The following PRAP1 variants were observed in gnomAD, a reference collection of about 807,000 sequenced individuals.
The protein encoded by PRAP1 is proline rich acidic protein 1, also known as proline-rich acidic protein 1.
A neutral mutation model predicts 14.6 loss-of-function variants in PRAP1; 12 were observed. That is an observed-to-expected ratio of 0.82 (90% CI 0.53 to 1.33). PRAP1 has a LOEUF of 1.33. PRAP1 is among the 40% of genes most tolerant of loss of function. The pLI, the probability that PRAP1 is intolerant of heterozygous loss-of-function variation, is 0.00. For missense variants in PRAP1, 160 were observed against 193.7 expected (o/e 0.83, Z 1.03); for synonymous variants, 81 against 80.3 (o/e 1.01, Z -0.04).
rs1459925073 is a variant in PRAP1 at position 133,351,102 on chromosome 10, T to G, written c.76-279T>G. 1.3e-5 allele frequency among the ~76,000 whole-genome samples: 2 copies of G among 152,194 alleles called. No individual in the cohort carries two copies. The highest frequency in any genetic ancestry group is 3.4e-3 in the Middle Eastern group (1 of 294). ...GCTAGGTCAGGGATACGGTGCCAGG[T>G]TACATCCCAGTCCTGTGCTGCCCCA... On this transcript the variant is annotated intron_variant, in intron 2 of 4. Transcript: ENST00000433452. The surrounding 1 kb of genome is among the most constrained non-coding windows in gnomAD (Gnocchi z 4.3).
At position 133,352,339 on chromosome 10, in the gene PRAP1, G is replaced by A. The variant is rs765352169; in HGVS notation, c.355G>A (p.Glu119Lys). Residue 119 changes from glutamate (E) to lysine (K), a missense_variant, in exon 5 of 5, where the codon GAG becomes AAG. Coordinates refer to ENST00000433452, the MANE Select transcript of PRAP1 (RefSeq NM_145202.5). Reference protein sequence around the residue: ...HDSLYHPPPEEDQGEERPRLW... With the variant: ...HDSLYHPPPEKDQGEERPRLW... ...CAGCCTGTACCACCCTCCGCCTGAG[G>A]AGGACCAGGGCGAGGAGAGGCCCCG... The A allele has an allele frequency of 1.9e-6, 3 of 1,613,056 alleles. No individual in the cohort carries two copies. The highest frequency in any genetic ancestry group is 2.5e-6 in the Non-Finnish European group (3 of 1,179,996).
intron 1 of PRAP1, among the ~76,000 whole-genome samples, chr10:133,349,469 C>T (rs1848642719): frequency 6.6e-6 from 1 of 152,150 alleles, no homozygotes; most frequent in Non-Finnish European, 1.5e-5. Flanking sequence ...GCACATGGTC[C>T]ACACCCACAA....
At chr10:133,350,454 G>A (rs2133403905) in intron 2 of PRAP1, 1 of 358,216 alleles carries the variant, frequency 2.8e-6, no homozygotes, top group South Asian at 7.0e-5. Context: ...GGGTCCAGAT[G>A]AGCCCCCGTG....
chr10:133,351,293 C>A lies in PRAP1; in HGVS notation c.76-88C>A. ...CTGCAGCCACCTCCACCCCATGCAGCCCCAGGTGGGCCTCGGAGCAACCTC... is the reference window on the plus strand; with the variant it reads ...CTGCAGCCACCTCCACCCCATGCAGACCCAGGTGGGCCTCGGAGCAACCTC... On this transcript the variant is annotated intron_variant, in intron 2 of 4. Transcript: ENST00000433452. This position sits in a 1 kb window ranked among gnomAD's most constrained non-coding sequence, Gnocchi z 4.3. 1 of 1,002,212 alleles carries A rather than the reference C, an allele frequency of 1.0e-6. No individual in the cohort carries two copies. The highest frequency in any genetic ancestry group is 1.5e-6 in the Non-Finnish European group (1 of 660,962). 62.1% of individuals were successfully genotyped at this position (1,002,212 alleles called of 1,614,324 possible). A position where few individuals can be genotyped will look rare whatever the true frequency, so the allele number is the denominator to read the frequency against.
At position 133,352,106 on chromosome 10, in the gene PRAP1, G is replaced by C. The variant is rs780576690; in HGVS notation, c.228G>C (p.Lys76Asn). The C allele has an allele frequency of 6.2e-7, 1 of 1,613,070 alleles. No individual in the cohort carries two copies. Among genetic ancestry groups the C allele is most frequent in the Admixed American group, 1.7e-5 (1 of 59,998 alleles). The change falls in exon 4 of 5, where the codon AAG becomes AAC. Residue 76 changes from lysine (K) to asparagine (N), a missense_variant. Coordinates refer to ENST00000433452, the MANE Select transcript of PRAP1 (RefSeq NM_145202.5). Reference protein sequence around the residue: ...QKPKLLTTEEKPRGQGRGPIL... With the variant: ...QKPKLLTTEENPRGQGRGPIL... ...CGAAACTCTTGACCACCGAGGAGAAGCCACGAGGTCAGGGCAGGGGCCCCA... is the reference window on the plus strand; with the variant it reads ...CGAAACTCTTGACCACCGAGGAGAACCCACGAGGTCAGGGCAGGGGCCCCA...
At chr10:133,350,502 G>A (rs1010232024) in intron 2 of PRAP1, 30 of 266,074 alleles carry the variant, frequency 1.1e-4, no homozygotes, top group Non-Finnish European at 1.7e-4. Flanking sequence ...TGACACCCAC[G>A]TGGTCCCAAG....
chr10:133,352,420 C>T lies in PRAP1; in HGVS notation c.436C>T (p.His146Tyr), dbSNP rs369897067. The T allele has an allele frequency of 6.2e-7, 1 of 1,612,538 alleles. No individual in the cohort carries two copies. Among genetic ancestry groups the T allele is most frequent in the African/African-American group, 1.3e-5 (1 of 74,906 alleles). Reference sequence around the variant, plus strand: ...CCTGGGACCGGAGGAAGACCAAGACCACATCTACCACCCCCAGTAGGGCTC... The same window carrying T: ...CCTGGGACCGGAGGAAGACCAAGACTACATCTACCACCCCCAGTAGGGCTC... ...VLLGPEEDQD[H>Y]IYHPQ Residue 146 changes from histidine to tyrosine, a missense_variant, in exon 5 of 5, where the codon CAC becomes TAC. Coordinates refer to ENST00000433452, the MANE Select transcript of PRAP1 (RefSeq NM_145202.5).
rs1467498441 is a variant in PRAP1 at position 133,352,531 on chromosome 10, A to G, written c.*91A>G. ...CCTACCCTGCCCCAGCTAGACAAATAAACCCCAGCAGGCCGGGCGCGGTGG... is the reference window on the plus strand; with the variant it reads ...CCTACCCTGCCCCAGCTAGACAAATGAACCCCAGCAGGCCGGGCGCGGTGG... On this transcript the variant is annotated 3_prime_UTR_variant, in exon 5 of 5. Coordinates refer to ENST00000433452, the MANE Select transcript of PRAP1 (RefSeq NM_145202.5). 2 of 1,189,852 alleles carry G rather than the reference A, an allele frequency of 1.7e-6. No individual in the cohort carries two copies. Among genetic ancestry groups the G allele is most frequent in the South Asian group, 1.4e-5 (1 of 69,350 alleles). 73.7% of individuals were successfully genotyped at this position (1,189,852 alleles called of 1,614,324 possible).
chr10:133,352,166 G>C, intron 4 of PRAP1, 26 bp downstream of exon 4: 1 of 1,612,576 alleles, frequency 6.2e-7, no homozygotes, highest in East Asian at 2.2e-5. Context: ...CAGCAGCAGA[G>C]TCCGCTCGTG....
chr10:133,351,517 G>A lies in PRAP1; in HGVS notation c.128+84G>A. 9.1e-7 allele frequency: 1 copy of A among 1,104,736 alleles called. No individual in the cohort carries two copies. Among genetic ancestry groups the A allele is most frequent in the South Asian group, 1.4e-5 (1 of 70,228 alleles). 68.4% of individuals were successfully genotyped at this position (1,104,736 alleles called of 1,614,324 possible). On this transcript the variant is annotated intron_variant, in intron 3 of 4. Coordinates refer to ENST00000433452, the MANE Select transcript of PRAP1 (RefSeq NM_145202.5). The surrounding 1 kb of genome is among the most constrained non-coding windows in gnomAD (Gnocchi z 4.3). ...GCTGGGCCCTTCCTGAACCTGGAGA[G>A]CACGGGGCAGATGCAGAGAGGAGCC...
chr10:133,352,157 A>G lies in PRAP1; in HGVS notation c.262+17A>G, dbSNP rs776608866. 6.2e-7 allele frequency: 1 copy of G among 1,612,790 alleles called. No individual in the cohort carries two copies. The highest frequency in any genetic ancestry group is 1.1e-5 in the South Asian group (1 of 91,052). On this transcript the variant is annotated intron_variant, in intron 4 of 4. Coordinates refer to ENST00000433452, the MANE Select transcript of PRAP1 (RefSeq NM_145202.5). ...TCCTTCCAGGTGGGCACAAGGTCACAGCAGCAGAGTCCGCTCGTGGGGTTG... is the reference window on the plus strand; with the variant it reads ...TCCTTCCAGGTGGGCACAAGGTCACGGCAGCAGAGTCCGCTCGTGGGGTTG...
chr10:133,350,450 A>G (rs1014378219), intron 2 of PRAP1: 4 of 372,294 alleles, frequency 1.1e-5, no homozygotes, highest in African/African-American at 2.0e-5. Context: ...AGGTGGGTCC[A>G]GATGAGCCCC....
At position 133,352,546 on chromosome 10, in the gene PRAP1, G is replaced by A. The variant is rs923210538; in HGVS notation, c.*106G>A. On this transcript the variant is annotated 3_prime_UTR_variant, in exon 5 of 5. Coordinates refer to ENST00000433452, the MANE Select transcript of PRAP1 (RefSeq NM_145202.5). Reference sequence around the variant, plus strand: ...CTAGACAAATAAACCCCAGCAGGCCGGGCGCGGTGGCTCACCTCTGTAATC... The same window carrying A: ...CTAGACAAATAAACCCCAGCAGGCCAGGCGCGGTGGCTCACCTCTGTAATC... 65 of 991,784 alleles carry A rather than the reference G, an allele frequency of 6.6e-5. No homozygotes were observed. Among genetic ancestry groups the A allele is most frequent in the African/African-American group, 2.6e-4 (16 of 61,034 alleles). The allele number at this position is 991,784 out of a possible 1,614,324, so 61.4% of individuals were successfully genotyped here. A position where few individuals can be genotyped will look rare whatever the true frequency, so the allele number is the denominator to read the frequency against.
chr10:133,352,438 T>C lies in PRAP1; in HGVS notation c.454T>C (p.Ter152GlnextTer28), dbSNP rs779649341. 1.5e-5 allele frequency: 24 copies of C among 1,611,954 alleles called. No homozygotes were observed. Among genetic ancestry groups the C allele is most frequent in the Non-Finnish European group, 2.0e-5 (24 of 1,179,498 alleles). Residue 152 changes from the stop codon to glutamine (Q), a stop_lost, in exon 5 of 5, where the codon TAG becomes CAG. Transcript: ENST00000433452. The stretch of plus-strand genomic sequence containing the variant: ...CCAAGACCACATCTACCACCCCCAG[T>C]AGGGCTCCAGGGGCCATCACTGCCC... ...EDQDHIYHPQ[*>Q]
intron 1 of PRAP1, among the ~76,000 whole-genome samples, chr10:133,349,172 C>T (rs1848634385): frequency 6.6e-6 from 1 of 151,418 alleles, no homozygotes. Flanking sequence ...CACACACCCA[C>T]CCCCAAACCC....
chr10:133,349,619 C>T (rs552093539), intron 1 of PRAP1, among the ~76,000 whole-genome samples: 2 of 152,264 alleles, frequency 1.3e-5, no homozygotes, highest in Admixed American at 6.5e-5. Context: ...GCCGTGGCCC[C>T]GCAGCTCTGG....
chr10:133,352,336 G>A lies in PRAP1; in HGVS notation c.352G>A (p.Glu118Lys). The A allele has an allele frequency of 6.2e-7, 1 of 1,613,200 alleles. No homozygotes were observed. The highest frequency in any genetic ancestry group is 8.5e-7 in the Non-Finnish European group (1 of 1,179,984). ...DHDSLYHPPP[E>K]EDQGEERPRL... The stretch of plus-strand genomic sequence containing the variant: ...TGACAGCCTGTACCACCCTCCGCCT[G>A]AGGAGGACCAGGGCGAGGAGAGGCC... The change falls in exon 5 of 5, where the codon GAG becomes AAG. Residue 118 changes from glutamate to lysine, a missense_variant. Glu to Lys is a moderately conservative substitution (Grantham distance 56). Coordinates refer to ENST00000433452, the MANE Select transcript of PRAP1 (RefSeq NM_145202.5).
rs1163252582 is a variant in PRAP1, at chr10:133,347,512, C to T, written c.8+87C>T. The T allele has an allele frequency of 2.8e-5, 37 of 1,341,640 alleles. No homozygotes were observed. In the East Asian group the frequency reaches 7.9e-4, roughly 29 times the overall value. The allele number at this position is 1,341,640 out of a possible 1,614,324, so 83.1% of individuals were successfully genotyped here. On this transcript the variant is annotated intron_variant, in intron 1 of 4. Coordinates refer to ENST00000433452, the MANE Select transcript of PRAP1 (RefSeq NM_145202.5). The surrounding 1 kb of genome is among the most constrained non-coding windows in gnomAD (Gnocchi z 5.0). The stretch of plus-strand genomic sequence containing the variant: ...AGCCAGAGGGGGCCCAGCTGTGCTG[C>T]GCTCCAGGGGGCCTGGTTCAGGGGA...
At chr10:133,349,675 C>T (rs980283189) in intron 1 of PRAP1, among the ~76,000 whole-genome samples, 5 of 152,266 alleles carry the variant, frequency 3.3e-5, no homozygotes, top group African/African-American at 1.2e-4. Flanking sequence ...CCTCAGGGCT[C>T]TGTGGGCGTG....
Sources: gnomAD v4.1 joint callset for allele counts (sites outside exome capture counted in the v4.1 genomes callset) on GRCh38, gnomAD v4.1.1 for gene constraint, Gnocchi (gnomAD v3.1) non-coding constraint, MANE v1.5 for transcripts, NCBI Gene and HGNC (gene_info 2026-07-23, HGNC 2026-07-21) for gene names.